The following MIS18BP1 variants were observed in gnomAD, a reference collection of about 807,000 sequenced individuals.
MIS18BP1 encodes the protein mis18-binding protein 1.
Under a neutral mutation model 116.1 loss-of-function variants are expected in MIS18BP1, and 72 were observed. The ratio of observed to expected loss-of-function variants is 0.62; its 90% CI spans 0.51 to 0.75. The LOEUF is 0.75. MIS18BP1 is among the 30% of genes least tolerant of loss of function. MIS18BP1 has a pLI of 0.00. For synonymous variants in MIS18BP1, 386 were observed against 427.0 expected, an observed-to-expected ratio of 0.90 and a Z score of 1.18; for missense variants, 1,363 against 1,303.2, an observed-to-expected ratio of 1.05 and a Z score of -0.71.
chr14:45,239,742 C>G (rs544470412), intron 4 of MIS18BP1, among the ~76,000 whole-genome samples: 3 of 152,244 alleles, frequency 2.0e-5, no homozygotes, highest in African/African-American at 7.2e-5. Flanking sequence ...AAAAGCAATA[C>G]TGGAAGCAGG....
chr14:45,223,249 G>A (rs1035327921), intron 11 of MIS18BP1, among the ~76,000 whole-genome samples: 3 of 152,020 alleles, frequency 2.0e-5, no homozygotes, highest in Non-Finnish European at 4.4e-5. Flanking sequence ...TAGTATCCTT[G>A]AGTCTCACTT....
intron 12 of MIS18BP1, among the ~76,000 whole-genome samples, chr14:45,217,526 G>A (rs1463820798): frequency 2.0e-5 from 3 of 152,092 alleles, no homozygotes; most frequent in Non-Finnish European, 2.9e-5. Flanking sequence ...TGGGATCTGG[G>A]ATTTGTGCAA....
intron 5 of MIS18BP1, 21 bp downstream of exon 5, chr14:45,237,627 A>G (rs750428458): frequency 4.4e-6 from 7 of 1,584,896 alleles, no homozygotes; most frequent in Non-Finnish European, 6.0e-6. Context: ...TATTAAAAGA[A>G]TAATGAAATA....
In MIS18BP1 at chr14:45,203,921, T is replaced by C; in HGVS notation, c.*188A>G. 1.4e-6 allele frequency: 1 copy of C among 706,008 alleles called. No individual in the cohort carries two copies. The highest frequency in any genetic ancestry group is 2.0e-6 in the Non-Finnish European group (1 of 498,636). 43.7% of individuals were successfully genotyped at this position (706,008 alleles called of 1,614,324 possible). A position where few individuals can be genotyped will look rare whatever the true frequency, so the allele number is the denominator to read the frequency against. ...ATATCTACACGAGCAAAAACAATTT[T>C]CTTTACATTTTTAGTAAGCTGCAGC... On this transcript the variant is annotated 3_prime_UTR_variant, in exon 17 of 17. Coordinates refer to ENST00000310806, the MANE Select transcript of MIS18BP1 (RefSeq NM_018353.5).
At position 45,227,699 on chromosome 14, in the gene MIS18BP1, A is replaced by C; in HGVS notation, c.1710T>G (p.Thr570=). 1 of 1,613,646 alleles carries C rather than the reference A, an allele frequency of 6.2e-7. No homozygotes were observed. The highest frequency in any genetic ancestry group is 1.1e-5 in the South Asian group (1 of 91,068). Residue 570 remains threonine (T), a synonymous_variant, in exon 9 of 17, where the codon ACT becomes ACG. Coordinates refer to ENST00000310806, the MANE Select transcript of MIS18BP1 (RefSeq NM_018353.5). ...AGTCATCTCCTCCTCCATTTTGAAT[A>C]GTATTATTTACTTGGTCATCTGGGA... ...LRFPDDQVNN[T]IQNGGGDDLS... is the part of the protein sequence containing the mutation.
chr14:45,249,201 C>T (rs908167581), intron 1 of MIS18BP1, among the ~76,000 whole-genome samples: 1 of 152,150 alleles, frequency 6.6e-6, no homozygotes, highest in African/African-American at 2.4e-5. Flanking sequence ...AAGCAATTCT[C>T]CTGTCTTAGC....
chr14:45,207,353 C>T (rs545971569), intron 14 of MIS18BP1, among the ~76,000 whole-genome samples: 27 of 152,206 alleles, frequency 1.8e-4, no homozygotes, highest in African/African-American at 6.0e-4. Flanking sequence ...ATGAATAAAC[C>T]TCGTCAGTTT....
At chr14:45,214,317 T>C (rs762395260) in intron 13 of MIS18BP1, among the ~76,000 whole-genome samples, 1 of 152,236 alleles carries the variant, frequency 6.6e-6, no homozygotes, top group Non-Finnish European at 1.5e-5. Flanking sequence ...AGGTGAGACA[T>C]GCTAGTGGCA....
chr14:45,204,810 A>G (rs969126206), intron 15 of MIS18BP1, among the ~76,000 whole-genome samples: 21 of 152,044 alleles, frequency 1.4e-4, no homozygotes, highest in Admixed American at 1.2e-3. Flanking sequence ...TATAAACACA[A>G]TTTATCATGA....
At chr14:45,221,947 T>A (rs188811796) in intron 11 of MIS18BP1, among the ~76,000 whole-genome samples, 1 of 152,222 alleles carries the variant, frequency 6.6e-6, no homozygotes, top group Non-Finnish European at 1.5e-5. Flanking sequence ...CATACACACT[T>A]AGGAATTTCA....
In MIS18BP1 at chr14:45,218,264, A is replaced by G; in HGVS notation, c.2842+18T>C. On this transcript the variant is annotated intron_variant, in intron 12 of 16. Coordinates refer to ENST00000310806, the MANE Select transcript of MIS18BP1 (RefSeq NM_018353.5). Reference sequence around the variant, plus strand: ...AACACTGAGTACTAGGAAAAAAACTATTTACTACGAAGGTTACCATTTTGG... The same window carrying G: ...AACACTGAGTACTAGGAAAAAAACTGTTTACTACGAAGGTTACCATTTTGG... The G allele has an allele frequency of 6.2e-7, 1 of 1,608,544 alleles. No individual in the cohort carries two copies. Among genetic ancestry groups the G allele is most frequent in the Non-Finnish European group, 8.5e-7 (1 of 1,178,380 alleles).
intron 3 of MIS18BP1, 115 bp downstream of exon 3, chr14:45,242,646 G>T (rs190191905): frequency 2.1e-6 from 3 of 1,454,414 alleles, no homozygotes; most frequent in South Asian, 2.8e-5. Context: ...TCTCTTTTAC[G>T]ATTCAAGCTT....
chr14:45,235,341 C>G (rs1033002375), intron 6 of MIS18BP1, among the ~76,000 whole-genome samples: 2 of 152,064 alleles, frequency 1.3e-5, no homozygotes, highest in Non-Finnish European at 2.9e-5. Context: ...TTATCCACAG[C>G]TACCTGCAGT....
At chr14:45,206,345 A>C in intron 14 of MIS18BP1, 175 bp from the exon 15 acceptor site, 1 of 528,220 alleles carries the variant, frequency 1.9e-6, no homozygotes, top group Non-Finnish European at 3.4e-6. Flanking sequence ...GGAGTGCAGT[A>C]ACATGATAAT....
chr14:45,223,809 C>T, intron 11 of MIS18BP1, 109 bp downstream of exon 11: 1 of 785,350 alleles, frequency 1.3e-6, no homozygotes, highest in South Asian at 2.1e-5. Flanking sequence ...ATAATTTCTC[C>T]CTTTTTTTTA....
At chr14:45,232,549 C>G (rs1237178632) in intron 7 of MIS18BP1, 184 bp downstream of exon 7, 1 of 561,448 alleles carries the variant, frequency 1.8e-6, no homozygotes. Context: ...AATCCCAACA[C>G]TTTGGGAGGC....
At chr14:45,213,093 G>A (rs975737625) in intron 13 of MIS18BP1, among the ~76,000 whole-genome samples, 11 of 151,986 alleles carry the variant, frequency 7.2e-5, no homozygotes, top group African/African-American at 2.2e-4. Flanking sequence ...AAATGGAGAC[G>A]GAGTCTCCCT....
At position 45,209,504 on chromosome 14, in the gene MIS18BP1, G is replaced by T. The variant is rs79835208; in HGVS notation, c.3152+876C>A. The stretch of plus-strand genomic sequence containing the variant: ...CACTGCATCCTGCTAACATTTTTGG[G>T]TTTTTTTTGTAGAAATGGGGTCTTC... On this transcript the variant is annotated intron_variant, in intron 14 of 16. Coordinates refer to ENST00000310806, the MANE Select transcript of MIS18BP1 (RefSeq NM_018353.5). Among the ~76,000 whole-genome samples the T allele has an allele frequency of 4.3e-3, 653 of 151,524 alleles. 25 individuals are homozygous for T. In the East Asian group the frequency reaches 0.098, roughly 23 times the overall value.
intron 6 of MIS18BP1, 25 bp downstream of exon 6, chr14:45,235,789 C>A (rs200134318): frequency 1.3e-6 from 2 of 1,566,024 alleles, no homozygotes; most frequent in Non-Finnish European, 8.6e-7. Flanking sequence ...CTTAAAATAA[C>A]TTATCAATAA....
Sources: allele counts gnomAD v4.1 joint callset (sites outside exome capture counted in the v4.1 genomes callset), GRCh38; gene constraint gnomAD v4.1.1; transcripts MANE v1.5; gene names NCBI Gene and HGNC (gene_info 2026-07-23, HGNC 2026-07-21).